Variants in NCOA3 observed in about 807,000 individuals in gnomAD.
NCOA3 encodes the protein nuclear receptor coactivator 3.
NCOA3 carries 51 observed loss-of-function variants against 158.8 expected under a neutral mutation model. That is an observed-to-expected ratio of 0.32 (90% CI 0.26 to 0.41). The LOEUF is 0.41. Ranked by LOEUF, NCOA3 falls within the 10% of genes least tolerant of loss-of-function variation. The probability of loss-of-function intolerance (pLI) is 1.00; values close to 1 mark genes in which losing one functional copy is unlikely to be tolerated. For synonymous variants in NCOA3, 537 were observed against 592.4 expected, an observed-to-expected ratio of 0.91 and a Z score of 1.36; for missense variants, 1,510 against 1,746.6, an observed-to-expected ratio of 0.86 and a Z score of 2.41.
At chr20:47,560,005 C>A (rs1012690290) in intron 1 of NCOA3, among the ~76,000 whole-genome samples, 1 of 152,130 alleles carries the variant, frequency 6.6e-6, no homozygotes, top group Non-Finnish European at 1.5e-5. Flanking sequence ...AAACTGGTCT[C>A]GAACTGCTGG....
At chr20:47,605,227 AAAT>A in intron 2 of NCOA3, among the ~76,000 whole-genome samples, 1 of 152,322 alleles carries the variant, frequency 6.6e-6, no homozygotes, top group East Asian at 1.9e-4. Flanking sequence ...GCTGAGTGGG[AAAT>A]AATTTTTTTC....
At chr20:47,580,448 C>T (rs759244962) in intron 1 of NCOA3, among the ~76,000 whole-genome samples, 2 of 151,770 alleles carry the variant, frequency 1.3e-5, no homozygotes, top group Non-Finnish European at 2.9e-5. Flanking sequence ...CCCAGCTACT[C>T]GGGAGGCTGA....
At chr20:47,548,245 A>G (rs2146147159) in intron 1 of NCOA3, among the ~76,000 whole-genome samples, 1 of 152,132 alleles carries the variant, frequency 6.6e-6, no homozygotes, top group East Asian at 1.9e-4. Flanking sequence ...CCTTTAAAAA[A>G]AAAAAATTCA....
intron 1 of NCOA3, among the ~76,000 whole-genome samples, chr20:47,577,916 A>G (rs1221654284): frequency 6.6e-6 from 1 of 152,206 alleles, no homozygotes. Context: ...TCTAGTATAT[A>G]TCACAAGATA....
intron 2 of NCOA3, among the ~76,000 whole-genome samples, chr20:47,601,419 G>T (rs2146260702): frequency 1.3e-5 from 2 of 152,320 alleles, no homozygotes; most frequent in South Asian, 4.1e-4. Context: ...GGTTATGGCG[G>T]TTTACTTTCT....
intron 1 of NCOA3, among the ~76,000 whole-genome samples, chr20:47,544,313 C>A (rs1284711445): frequency 8.1e-6 from 1 of 123,272 alleles, no homozygotes; most frequent in Non-Finnish European, 1.7e-5. Context: ...TTATTTAATA[C>A]TACTTTTTTT....
chr20:47,564,736 C>A (rs943495682), intron 1 of NCOA3, among the ~76,000 whole-genome samples: 1 of 152,012 alleles, frequency 6.6e-6, no homozygotes, highest in African/African-American at 2.4e-5. Flanking sequence ...ATACCATTTT[C>A]TTTATTTTAC....
intron 1 of NCOA3, among the ~76,000 whole-genome samples, chr20:47,567,690 C>G (rs1484737370): frequency 6.6e-6 from 1 of 152,148 alleles, no homozygotes; most frequent in Non-Finnish European, 1.5e-5. Context: ...TTGCCTCAGC[C>G]TCACAAGTAG....
At position 47,635,640 on chromosome 20, in the gene NCOA3, G is replaced by A; in HGVS notation, c.1431G>A (p.Gln477=). 1 of 1,614,162 alleles carries A rather than the reference G, an allele frequency of 6.2e-7. No individual in the cohort carries two copies. Among genetic ancestry groups the A allele is most frequent in the Non-Finnish European group, 8.5e-7 (1 of 1,180,020 alleles). The change falls in exon 11 of 23, where the codon CAG becomes CAA. Residue 477 remains glutamine (Q), a synonymous_variant. Coordinates refer to ENST00000371998, the MANE Select transcript of NCOA3 (RefSeq NM_181659.3). ...GGAGTCCTGGTCTTGCCCCAAACCA[G>A]CAGAATATCATGATTTCTCCTCGTA... ...PHGSPGLAPN[Q]QNIMISPRNR... is the part of the protein sequence containing the mutation.
intron 8 of NCOA3, chr20:47,631,320 T>C (rs767359859): frequency 1.3e-5 from 2 of 152,264 alleles, no homozygotes; most frequent in Non-Finnish European, 2.9e-5. Context: ...ACTAGTTTGT[T>C]ACCAATTAAA....
At chr20:47,624,619 G>T (rs2086293025) in intron 4 of NCOA3, among the ~76,000 whole-genome samples, 1 of 152,134 alleles carries the variant, frequency 6.6e-6, no homozygotes, top group Non-Finnish European at 1.5e-5. Flanking sequence ...ACTGATACTT[G>T]TCTGTGGTCT....
intron 20 of NCOA3, among the ~76,000 whole-genome samples, 184 bp from the exon 21 acceptor site, chr20:47,652,222 C>T (rs1024550741): frequency 3.3e-5 from 5 of 151,954 alleles, no homozygotes; most frequent in East Asian, 1.9e-4. Context: ...TTACTCTAGT[C>T]GTCATCTTGG....
At chr20:47,628,993 T>G (rs1374952893) in intron 8 of NCOA3, among the ~76,000 whole-genome samples, 2 of 152,122 alleles carry the variant, frequency 1.3e-5, no homozygotes, top group African/African-American at 2.4e-5. Flanking sequence ...ATAAGAAAAT[T>G]TATAGCTGAG....
rs1353044598 is a variant in NCOA3 at position 47,636,184 on chromosome 20, G to A, written c.1798G>A (p.Glu600Lys). Reference sequence around the variant, plus strand: ...TCACCTCAGTGACAAAGAAAGTAAGGAGAGCAGTGTTGAGGGGGCAGAGAA... The same window carrying A: ...TCACCTCAGTGACAAAGAAAGTAAGAAGAGCAGTGTTGAGGGGGCAGAGAA... ...RDHLSDKESK[E>K]SSVEGAENQR... The change falls in exon 12 of 23, where the codon GAG (glutamate) becomes AAG (lysine). Residue 600 changes from glutamate to lysine, a missense_variant. Glu to Lys is a moderately conservative substitution (Grantham distance 56, BLOSUM62 1). Transcript: ENST00000371998. The A allele has an allele frequency of 1.2e-6, 2 of 1,614,214 alleles. No individual in the cohort carries two copies. Among genetic ancestry groups the A allele is most frequent in the Admixed American group, 3.3e-5 (2 of 60,020 alleles).
chr20:47,505,120 G>A (rs1185024381), intron 1 of NCOA3, among the ~76,000 whole-genome samples: 2 of 137,226 alleles, frequency 1.5e-5, no homozygotes, highest in Admixed American at 7.7e-5. Flanking sequence ...GGAGTGCAGC[G>A]GCGCGATCTT....
At chr20:47,559,602 T>C (rs1333521001) in intron 1 of NCOA3, among the ~76,000 whole-genome samples, 1 of 152,112 alleles carries the variant, frequency 6.6e-6, no homozygotes. Context: ...CTTTTCAGGC[T>C]CTGCGTGGTG....
At position 47,647,938 on chromosome 20, in the gene NCOA3, G is replaced by A. The variant is rs1204961292; in HGVS notation, c.3546+572G>A. 1.9e-4 allele frequency among the ~76,000 whole-genome samples: 27 copies of A among 140,520 alleles called. 1 individual carries two copies. The highest frequency in any genetic ancestry group is 6.9e-4 in the African/African-American group (26 of 37,906). The allele number at this position is 140,520 out of a possible 152,430, so 92.2% of individuals were successfully genotyped here. A position where few individuals can be genotyped will look rare whatever the true frequency, so the allele number is the denominator to read the frequency against. ...TGTTTTGTTTTTTTTTTTTTGAGGTGGAGTCTTGCTCTGTCGCCCAGGCTG... is the reference window on the plus strand; with the variant it reads ...TGTTTTGTTTTTTTTTTTTTGAGGTAGAGTCTTGCTCTGTCGCCCAGGCTG... On this transcript the variant is annotated intron_variant, in intron 18 of 22. Transcript: ENST00000371998.
intron 2 of NCOA3, among the ~76,000 whole-genome samples, chr20:47,591,739 C>G (rs1281375088): frequency 2.0e-5 from 3 of 149,010 alleles, no homozygotes; most frequent in Non-Finnish European, 4.5e-5. Context: ...GTTGTAACCT[C>G]CTCCCCTTTT....
At chr20:47,547,699 T>G (rs1044655545) in intron 1 of NCOA3, among the ~76,000 whole-genome samples, 4 of 151,790 alleles carry the variant, frequency 2.6e-5, no homozygotes, top group Non-Finnish European at 4.4e-5. Context: ...ATTACAGGCA[T>G]GAGCCACCGC....
Sources: allele counts gnomAD v4.1 joint callset (sites outside exome capture counted in the v4.1 genomes callset), GRCh38; gene constraint gnomAD v4.1.1; transcripts MANE v1.5; gene names NCBI Gene and HGNC (gene_info 2026-07-23, HGNC 2026-07-21).